Variants in GPHN observed in about 807,000 individuals in gnomAD.
GPHN encodes gephyrin.
A neutral mutation model predicts 95.5 loss-of-function variants in GPHN; 17 were observed. The ratio of observed to expected loss-of-function variants is 0.18; its 90% CI spans 0.12 to 0.27. The LOEUF (loss-of-function observed/expected upper bound fraction) is 0.27, where lower values mean the gene tolerates loss of function less well. Among genes scored for constraint, GPHN ranks in the 10% least tolerant of loss-of-function variants. GPHN has a pLI of 1.00. For missense variants in GPHN, 660 were observed against 978.1 expected (o/e 0.67, Z 4.34); for synonymous variants, 320 against 322.5 (o/e 0.99, Z 0.08).
chr14:66,748,115 A>G (rs1202907057), intron 2 of GPHN, among the ~76,000 whole-genome samples: 1 of 152,076 alleles, frequency 6.6e-6, no homozygotes, highest in Non-Finnish European at 1.5e-5. Flanking sequence ...TCTTTGAGAA[A>G]TACTGATTTA....
At chr14:67,191,567 C>A in the GPHN span, among the ~76,000 whole-genome samples, 614 of 152,304 alleles carry the variant, frequency 4.0e-3, 1 homozygote, top group Non-Finnish European at 5.0e-3. Context: ...TTCCAGATGA[C>A]TGCATTTATC....
At chr14:67,267,475 T>C in the GPHN span, among the ~76,000 whole-genome samples, 1 of 152,124 alleles carries the variant, frequency 6.6e-6, no homozygotes, top group African/African-American at 2.4e-5. Flanking sequence ...GGTCTTGACC[T>C]GCTGATCTCG....
chr14:67,672,431 T>A, the GPHN span, among the ~76,000 whole-genome samples: 2 of 134,264 alleles, frequency 1.5e-5, no homozygotes, highest in Non-Finnish European at 1.6e-5. Flanking sequence ...CAGTCTACTT[T>A]TTTTTCTTTT....
At chr14:67,548,127 C>G in the GPHN span, among the ~76,000 whole-genome samples, 1 of 152,186 alleles carries the variant, frequency 6.6e-6, no homozygotes, top group Non-Finnish European at 1.5e-5. Context: ...GCTAGAGAAG[C>G]CACAAAGGCT....
At chr14:67,435,259 G>A in the GPHN span, among the ~76,000 whole-genome samples, 3,026 of 152,178 alleles carry the variant, frequency 0.02, 180 homozygotes, top group East Asian at 0.13. Flanking sequence ...GAGCCATCAC[G>A]CCCAGCCTTT....
At chr14:66,684,449 TC>T (rs1226062513) in intron 2 of GPHN, among the ~76,000 whole-genome samples, 4 of 152,186 alleles carry the variant, frequency 2.6e-5, no homozygotes, top group Non-Finnish European at 5.9e-5. Context: ...CCAAGAGTAG[TC>T]AGAGCTAGAT....
At chr14:67,495,232 A>G in the GPHN span, among the ~76,000 whole-genome samples, 5 of 152,198 alleles carry the variant, frequency 3.3e-5, no homozygotes, top group African/African-American at 9.6e-5. Flanking sequence ...CCGCCTGCCA[A>G]ATCCCTCCTG....
At chr14:66,663,707 A>C (rs192418840) in intron 1 of GPHN, among the ~76,000 whole-genome samples, 1 of 152,330 alleles carries the variant, frequency 6.6e-6, no homozygotes, top group Non-Finnish European at 1.5e-5. Context: ...ATAAAGAAAC[A>C]AGACCCAATG....
the GPHN span, among the ~76,000 whole-genome samples, chr14:67,420,236 C>G: frequency 4.6e-5 from 7 of 152,232 alleles, no homozygotes; most frequent in Admixed American, 4.6e-4. Context: ...GGCCTCCCAC[C>G]TCTCCTCTGA....
At chr14:66,587,570 C>A (rs1050752264) in intron 1 of GPHN, among the ~76,000 whole-genome samples, 1 of 152,166 alleles carries the variant, frequency 6.6e-6, no homozygotes, top group African/African-American at 2.4e-5. Flanking sequence ...TTTGGTTCAA[C>A]TTATGCAAAT....
the GPHN span, chr14:67,383,431 T>A: frequency 6.2e-7 from 1 of 1,613,280 alleles, no homozygotes; most frequent in South Asian, 1.1e-5. Context: ...AAGCCAAAGC[T>A]GAAGATTAAC....
chr14:66,856,317 A>G (rs1426262073), intron 4 of GPHN, among the ~76,000 whole-genome samples: 1 of 152,164 alleles, frequency 6.6e-6, no homozygotes, highest in African/African-American at 2.4e-5. Flanking sequence ...CCAGGTAAAA[A>G]TAAACTTTAG....
the GPHN span, among the ~76,000 whole-genome samples, chr14:67,662,315 AC>A: frequency 2.0e-5 from 3 of 152,084 alleles, no homozygotes; most frequent in Non-Finnish European, 1.5e-5. Flanking sequence ...TGTTTGCCAA[AC>A]CCCCTCAACA....
At chr14:66,595,242 G>A (rs1264717482) in intron 1 of GPHN, among the ~76,000 whole-genome samples, 1 of 152,156 alleles carries the variant, frequency 6.6e-6, no homozygotes, top group Non-Finnish European at 1.5e-5. Flanking sequence ...CAGTATGGAG[G>A]TATCTCAAAA....
At chr14:67,089,125 CTTTT>C in intron 12 of GPHN, 50 bp downstream of exon 12, 2 of 329,576 alleles carry the variant, frequency 6.1e-6, no homozygotes, top group Admixed American at 4.5e-5. Flanking sequence ...ATTTTTTTTT[CTTTT>C]TTTCTTTTTT....
At chr14:67,653,434 T>C in the GPHN span, 2 of 1,613,620 alleles carry the variant, frequency 1.2e-6, no homozygotes, top group African/African-American at 1.3e-5. Context: ...TAATAAAACT[T>C]ACTTTCTGGA....
At chr14:66,512,562 G>A (rs2058080202) in intron 1 of GPHN, among the ~76,000 whole-genome samples, 1 of 151,672 alleles carries the variant, frequency 6.6e-6, no homozygotes, top group South Asian at 2.1e-4. Context: ...TTTTGCTGTA[G>A]TAATATACAT....
intron 1 of GPHN, among the ~76,000 whole-genome samples, chr14:66,653,667 T>C (rs1003470760): frequency 6.6e-6 from 1 of 152,238 alleles, no homozygotes; most frequent in Non-Finnish European, 1.5e-5. Context: ...AAGAAACTTA[T>C]ATAAGTGGAA....
chr14:67,512,269 G>C, the GPHN span, among the ~76,000 whole-genome samples: 596 of 152,198 alleles, frequency 3.9e-3, 2 homozygotes, highest in Admixed American at 6.5e-3. Flanking sequence ...CCCTTCCCTA[G>C]AAATCAGCTT....
Sources: allele counts gnomAD v4.1 joint callset (sites outside exome capture counted in the v4.1 genomes callset), GRCh38; gene constraint gnomAD v4.1.1; transcripts MANE v1.5; gene names NCBI Gene and HGNC (gene_info 2026-07-23, HGNC 2026-07-21).